NGLY1: variants seen among roughly 807,000 people sequenced by gnomAD.
NGLY1 encodes peptide-N(4)-(N-acetyl-beta-glucosaminyl)asparagine amidase.
A neutral mutation model predicts 84.6 loss-of-function variants in NGLY1; 68 were observed. The ratio of observed to expected loss-of-function variants is 0.80; its 90% confidence interval spans 0.66 to 0.98. The LOEUF (loss-of-function observed/expected upper bound fraction) is 0.98. NGLY1 is among the 50% of genes least tolerant of loss of function. The pLI is 0.00. For missense variants in NGLY1, 779 were observed against 770.2 expected, an observed-to-expected ratio of 1.01 and a Z score of -0.14; for synonymous variants, 280 against 275.2, an observed-to-expected ratio of 1.02 and a Z score of -0.17.
intron 10 of NGLY1, among the ~76,000 whole-genome samples, 199 bp downstream of exon 10, chr3:25,728,934 T>TTC (rs1705399082): frequency 6.6e-6 from 1 of 152,132 alleles, no homozygotes; most frequent in Non-Finnish European, 1.5e-5. Context: ...AAACAGATAC[T>TTC]TCCTTGATAT....
intron 3 of NGLY1, chr3:25,754,788 C>CTTTTT (rs5847371): frequency 5.8e-5 from 16 of 275,232 alleles, no homozygotes; most frequent in Admixed American, 3.1e-4. Context: ...ATGACTCGTG[C>CTTTTT]TTTTTTTTTT....
rs145856271 is a variant in NGLY1, at chr3:25,722,274, C to CACATT, written c.1612-2084_1612-2083insAATGT. On this transcript the variant is annotated intron_variant, in intron 10 of 11. Transcript: ENST00000280700. The stretch of plus-strand genomic sequence containing the variant: ...ATATTATTAAAGATCTGTATACACA[C>CACATT]ATATATATATATATATATTCATGTT... Among the ~76,000 whole-genome samples, 21 of 148,622 alleles carry CACATT rather than the reference C, an allele frequency of 1.4e-4. No homozygotes were observed. The South Asian group carries it at 4.4e-3, about 31-fold the overall frequency.
At chr3:25,783,870 G>A (rs1341104602), upstream of NGLY1, among the ~76,000 whole-genome samples, 2 of 152,248 alleles carry the variant, frequency 1.3e-5, no homozygotes, top group South Asian at 2.1e-4. The surrounding 1 kb of genome is among the most constrained non-coding windows in gnomAD (Gnocchi z 4.5). Context: ...TAGGACGGAG[G>A]AGCTCGGCTG....
chr3:25,785,443 C>T (rs916938756), upstream of NGLY1, among the ~76,000 whole-genome samples: 1 of 151,404 alleles, frequency 6.6e-6, no homozygotes, highest in Non-Finnish European at 1.5e-5. Flanking sequence ...TCCATTGATA[C>T]ATTTATTTAT....
intron 9 of NGLY1, chr3:25,730,524 T>G (rs1468434096): frequency 1.3e-5 from 2 of 152,118 alleles, no homozygotes; most frequent in Non-Finnish European, 2.9e-5. Context: ...ACCTAAATAA[T>G]ATCCATGTTT....
chr3:25,789,277 A>C (rs896872288), intron 1 of NGLY1, among the ~76,000 whole-genome samples: 2 of 152,186 alleles, frequency 1.3e-5, no homozygotes, highest in African/African-American at 4.8e-5. Context: ...CACTGTCTCA[A>C]ATCTGGTGAT....
In NGLY1 at chr3:25,739,581, G is replaced by C. The variant is rs775963261; in HGVS notation, c.877C>G (p.Pro293Ala). 6.2e-7 allele frequency: 1 copy of C among 1,613,814 alleles called. No homozygotes were observed. Among genetic ancestry groups the C allele is most frequent in the South Asian group, 1.1e-5 (1 of 91,058 alleles). The change falls in exon 5 of 12, where the codon CCA becomes GCA. Residue 293 changes from proline (P) to alanine (A), a missense_variant. Physicochemically the swap from Pro to Ala is conservative, Grantham distance 27. Coordinates refer to ENST00000280700, the MANE Select transcript of NGLY1 (RefSeq NM_018297.4). ...CDACQFSNRF[P>A]RYNNPEKLLE... ...TTTACCATCCAGGGCACCCACCTTG[G>C]GAATCGATTGCTGAACTGGCAGGCA...
chr3:25,721,330 G>T (rs892688510), intron 10 of NGLY1, among the ~76,000 whole-genome samples: 6 of 152,150 alleles, frequency 3.9e-5, no homozygotes, highest in African/African-American at 1.4e-4. Flanking sequence ...TTGTAGGTGT[G>T]AGCTACCGTG....
intron 10 of NGLY1, among the ~76,000 whole-genome samples, chr3:25,728,659 CCA>C (rs1170246909): frequency 6.6e-6 from 1 of 152,028 alleles, no homozygotes; most frequent in Non-Finnish European, 1.5e-5. Context: ...GCTCAATCAT[CCA>C]CATTCTTTGA....
At chr3:25,785,714 C>T (rs2125335083), upstream of NGLY1, among the ~76,000 whole-genome samples, 1 of 151,880 alleles carries the variant, frequency 6.6e-6, no homozygotes, top group East Asian at 1.9e-4. Context: ...TGTCTATATA[C>T]AAAACACCAA....
chr3:25,752,727 T>G (rs996737117), intron 3 of NGLY1, among the ~76,000 whole-genome samples: 1 of 151,674 alleles, frequency 6.6e-6, no homozygotes, highest in African/African-American at 2.4e-5. Context: ...GGTGGGTAGA[T>G]CGTTTGAGCC....
chr3:25,743,179 C>T (rs1364418078), intron 4 of NGLY1, among the ~76,000 whole-genome samples: 1 of 152,156 alleles, frequency 6.6e-6, no homozygotes, highest in African/African-American at 2.4e-5. Context: ...AGAAGCATGG[C>T]TCTGGGGATA....
rs1707439195 is a variant in NGLY1, at chr3:25,764,087, T to C, written c.471A>G (p.Ser157=). Residue 157 remains serine (S), a synonymous_variant, in exon 3 of 12, where the codon TCA becomes TCG. Coordinates refer to ENST00000280700, the MANE Select transcript of NGLY1 (RefSeq NM_018297.4). ...TTACCGTTGAAGCAGATGGTGGATC[T>C]GATGACTGCCCTTGACGGTTCCTTG... ...QHTRNRQGQS[S]DPPSASTVAA... 1 of 1,614,198 alleles carries C rather than the reference T, an allele frequency of 6.2e-7. No homozygotes were observed. The highest frequency in any genetic ancestry group is 8.5e-7 in the Non-Finnish European group (1 of 1,180,020).
At chr3:25,724,631 T>C (rs571928029) in intron 10 of NGLY1, among the ~76,000 whole-genome samples, 5 of 152,286 alleles carry the variant, frequency 3.3e-5, no homozygotes, top group African/African-American at 1.2e-4. Context: ...TATTTACCTC[T>C]CTAGTCTCAT....
At chr3:25,735,879 T>G (rs1705788894) in intron 7 of NGLY1, 125 bp downstream of exon 7, 7 of 863,806 alleles carry the variant, frequency 8.1e-6, no homozygotes, top group Middle Eastern at 3.3e-4. Flanking sequence ...CAAATAAAAC[T>G]TATCAAACTG....
chr3:25,781,278 G>C (rs2125327167), intron 1 of NGLY1, among the ~76,000 whole-genome samples: 1 of 152,132 alleles, frequency 6.6e-6, no homozygotes, highest in South Asian at 2.1e-4. Context: ...ATCATCTCTG[G>C]ACCTCACATT....
chr3:25,726,481 G>A lies in NGLY1; in HGVS notation c.1611+2652C>T, dbSNP rs371167999. Among the ~76,000 whole-genome samples the A allele has an allele frequency of 9.8e-5, 15 of 152,286 alleles. No homozygotes were observed. The South Asian group carries it at 3.1e-3, about 32-fold the overall frequency. On this transcript the variant is annotated intron_variant, in intron 10 of 11. Transcript: ENST00000280700. ...ATAAAGAGGGAAATGGATTCAATTTGCTGGGACCTGAGGGAGTGAGGCTTG... is the reference window on the plus strand; with the variant it reads ...ATAAAGAGGGAAATGGATTCAATTTACTGGGACCTGAGGGAGTGAGGCTTG...
upstream of NGLY1, chr3:25,783,640 A>T (rs566219834): frequency 3.5e-6 from 1 of 286,670 alleles, no homozygotes; most frequent in Non-Finnish European, 6.0e-6. The surrounding 1 kb of genome is among the most constrained non-coding windows in gnomAD (Gnocchi z 4.5). Flanking sequence ...GACCGGGGCC[A>T]GGAGCGGGGG....
At chr3:25,725,566 T>G (rs1398050309) in intron 10 of NGLY1, among the ~76,000 whole-genome samples, 1 of 152,132 alleles carries the variant, frequency 6.6e-6, no homozygotes, top group Non-Finnish European at 1.5e-5. Flanking sequence ...GGGAGAGTCT[T>G]GGGGACTAAA....
Sources: allele counts gnomAD v4.1 joint callset (sites outside exome capture counted in the v4.1 genomes callset), GRCh38; gene constraint gnomAD v4.1.1; non-coding constraint Gnocchi (gnomAD v3.1); transcripts MANE v1.5; gene names NCBI Gene and HGNC (gene_info 2026-07-23, HGNC 2026-07-21).